The following APBB2 variants were observed in gnomAD, a reference collection of about 807,000 sequenced individuals.
APBB2 encodes the protein Fe65-like 1.
A neutral mutation model predicts 82.5 loss-of-function variants in APBB2; 38 were observed. That is an observed-to-expected ratio of 0.46 (90% CI 0.36 to 0.60). The LOEUF is 0.60. Ranked by LOEUF, APBB2 falls within the 20% of genes least tolerant of loss-of-function variation. APBB2 has a pLI of 0.00. For synonymous variants in APBB2, 341 were observed against 368.2 expected (o/e 0.93, Z 0.85); for missense variants, 772 against 972.3 (o/e 0.79, Z 2.74).
intron 1 of APBB2, among the ~76,000 whole-genome samples, chr4:41,168,205 C>A (rs1372593371): frequency 1.9e-5 from 1 of 52,194 alleles, no homozygotes; most frequent in African/African-American, 1.7e-4. Flanking sequence ...GGAGGCGGAG[C>A]CTGCAGTGAG....
intron 4 of APBB2, among the ~76,000 whole-genome samples, chr4:41,055,189 G>T (rs1039401018): frequency 1.3e-5 from 2 of 152,158 alleles, no homozygotes; most frequent in Non-Finnish European, 2.9e-5. Flanking sequence ...GCTTCAGATT[G>T]CAGCTCAAGC....
At position 40,822,070 on chromosome 4, in the gene APBB2, G is replaced by T; in HGVS notation, c.1933-20C>A. The T allele has an allele frequency of 6.2e-7, 1 of 1,612,728 alleles. No homozygotes were observed. ...TTCATTCTGCAAGAGACATTATGCG[G>T]CATCCAATCAGGAGATCCCAGGATC... On this transcript the variant is annotated intron_variant, in intron 16 of 17. Transcript: ENST00000508593.
chr4:40,839,009 C>T (rs1419923151), intron 12 of APBB2, among the ~76,000 whole-genome samples: 2 of 152,146 alleles, frequency 1.3e-5, no homozygotes, highest in African/African-American at 4.8e-5. Context: ...ATAAATCAGC[C>T]TGTTCTGTTG....
chr4:41,031,083 G>A (rs1716573920), intron 5 of APBB2, among the ~76,000 whole-genome samples: 1 of 152,130 alleles, frequency 6.6e-6, no homozygotes. Flanking sequence ...AAATTAGCTG[G>A]GCATCATGGC....
At position 40,934,684 on chromosome 4, in the gene APBB2, T is replaced by C; in HGVS notation, c.1123A>G (p.Thr375Ala). Residue 375 changes from threonine to alanine, a missense_variant, in exon 9 of 18, where the codon ACT becomes GCT. Coordinates refer to ENST00000508593, the MANE Select transcript of APBB2 (RefSeq NM_004307.2). ...TTTAAACTGGGGTCCGGGTTAACAG[T>C]GGCTGCATGCAAATCCTAGAGGAAA... ...SDIWKDLHAA[T>A]VNPDPSLKEF... 1 of 1,613,346 alleles carries C rather than the reference T, an allele frequency of 6.2e-7. No individual in the cohort carries two copies. Among genetic ancestry groups the C allele is most frequent in the African/African-American group, 1.3e-5 (1 of 75,002 alleles).
rs1348422728 is a variant in APBB2, at chr4:41,013,715, CCTT to C, written c.700_702del (p.Lys234del). On this transcript the variant is annotated inframe_deletion, in exon 6 of 18. Transcript: ENST00000508593. ...GTTTTGGCCCCTGTTTTCGGATGAT[CCTT>C]CTTGGTTTCTGGGCTGGATGACACT... The C allele has an allele frequency of 1.2e-6, 2 of 1,614,072 alleles. No individual in the cohort carries two copies. Among genetic ancestry groups the C allele is most frequent in the Admixed American group, 3.3e-5 (2 of 60,014 alleles).
rs1476057829 is a variant in APBB2, at chr4:41,119,724, T to A, written c.-260-18974A>T. ...ACCCTGTCCAGAGACTCCTCTCAAC[T>A]GTAACAAGAGACTCCACACTGCATT... On this transcript the variant is annotated intron_variant, in intron 2 of 17. Transcript: ENST00000508593. Among the ~76,000 whole-genome samples the A allele has an allele frequency of 3.9e-5, 6 of 152,080 alleles. No individual in the cohort carries two copies. The East Asian group carries it at 9.7e-4, about 25-fold the overall frequency.
At position 40,982,296 on chromosome 4, in the gene APBB2, AGG is replaced by A. The variant is rs1491318551; in HGVS notation, c.835+31285_835+31286del. ...AAAGAAAGAAAGAAGGAAGGAAGGA[AGG>A]AAGGAAGGAAAGAAAGAAAGAAAGA... is the stretch of plus-strand genomic sequence containing the variant. On this transcript the variant is annotated intron_variant, in intron 6 of 17. Coordinates refer to ENST00000508593, the MANE Select transcript of APBB2 (RefSeq NM_004307.2). Among the ~76,000 whole-genome samples, 8 of 43,806 alleles carry A rather than the reference AGG, an allele frequency of 1.8e-4. 1 individual carries two copies. Among genetic ancestry groups the A allele is most frequent in the African/African-American group, 9.9e-4 (8 of 8,056 alleles). The allele number at this position is 43,806 out of a possible 152,430, so 28.7% of individuals were successfully genotyped here.
chr4:41,152,284 T>C (rs1762448628), intron 1 of APBB2, among the ~76,000 whole-genome samples: 2 of 151,968 alleles, frequency 1.3e-5, no homozygotes, highest in African/African-American at 2.4e-5. Flanking sequence ...CTAAAGTCCT[T>C]AGGGTTCTAA....
intron 17 of APBB2, among the ~76,000 whole-genome samples, chr4:40,818,211 G>T (rs1212136235): frequency 6.6e-6 from 1 of 152,184 alleles, no homozygotes; most frequent in Non-Finnish European, 1.5e-5. Flanking sequence ...TAAGAAGAAA[G>T]CCCCTGAGCT....
chr4:41,183,486 T>C (rs1321686896), intron 1 of APBB2, among the ~76,000 whole-genome samples: 8 of 152,102 alleles, frequency 5.3e-5, no homozygotes, highest in African/African-American at 1.7e-4. Flanking sequence ...GTCATTTAGG[T>C]GGGCCCCAAT....
At chr4:40,825,041 C>T (rs1461915477) in intron 15 of APBB2, among the ~76,000 whole-genome samples, 1 of 152,222 alleles carries the variant, frequency 6.6e-6, no homozygotes, top group East Asian at 1.9e-4. Flanking sequence ...GCACTTCAGT[C>T]CTTCATTCCT....
At chr4:41,002,109 G>A (rs61645651) in intron 6 of APBB2, among the ~76,000 whole-genome samples, 6,353 of 152,080 alleles carry the variant, frequency 0.042, 268 homozygotes, top group African/African-American at 0.11. Flanking sequence ...TGCACCCAAG[G>A]GTTCTAATGA....
intron 4 of APBB2, among the ~76,000 whole-genome samples, chr4:41,052,620 G>A (rs1398477711): frequency 1.3e-5 from 2 of 152,206 alleles, no homozygotes; most frequent in African/African-American, 2.4e-5. Context: ...CTGCCCAAGG[G>A]CTAATTGGCT....
intron 1 of APBB2, among the ~76,000 whole-genome samples, chr4:41,185,379 CCCCT>C (rs1328675911): frequency 6.6e-6 from 1 of 152,022 alleles, no homozygotes; most frequent in Non-Finnish European, 1.5e-5. Context: ...ATGACCTTTC[CCCCT>C]AAGATTTCAA....
At chr4:40,816,782 A>T (rs2154292748) in intron 17 of APBB2, among the ~76,000 whole-genome samples, 1 of 152,360 alleles carries the variant, frequency 6.6e-6, no homozygotes, top group South Asian at 2.1e-4. Flanking sequence ...ATGATTAAGT[A>T]AGTAATACTT....
At chr4:41,058,280 A>G (rs1307162336) in intron 4 of APBB2, among the ~76,000 whole-genome samples, 1 of 151,478 alleles carries the variant, frequency 6.6e-6, no homozygotes, top group East Asian at 1.9e-4. Context: ...AGCGAATTAC[A>G]AGAGAGGTTT....
chr4:41,009,934 T>TG (rs1807848753), intron 6 of APBB2, among the ~76,000 whole-genome samples: 1 of 152,238 alleles, frequency 6.6e-6, no homozygotes, highest in Admixed American at 6.5e-5. Context: ...ATGATTATTT[T>TG]AAACACTAAC....
chr4:40,861,820 TTTCTTTC>T (rs1466713123), intron 12 of APBB2, among the ~76,000 whole-genome samples: 1 of 135,234 alleles, frequency 7.4e-6, no homozygotes, highest in African/African-American at 2.9e-5. Context: ...TGTTTTCTTT[TTTCTTTC>T]TAAAAATAAA....
Sources: allele counts gnomAD v4.1 joint callset (sites outside exome capture counted in the v4.1 genomes callset), GRCh38; gene constraint gnomAD v4.1.1; transcripts MANE v1.5; gene names NCBI Gene and HGNC (gene_info 2026-07-23, HGNC 2026-07-21).